Variants in PDE5A observed in about 807,000 individuals in gnomAD.
PDE5A encodes cGMP-specific 3',5'-cyclic phosphodiesterase.
PDE5A carries 67 observed loss-of-function variants against 110.2 expected under a neutral mutation model. The observed-to-expected ratio is 0.61, with a 90% confidence interval of 0.50 to 0.75. The LOEUF (loss-of-function observed/expected upper bound fraction) is 0.75. Among genes scored for constraint, PDE5A ranks in the 30% least tolerant of loss-of-function variants. The pLI is 0.00. For synonymous variants in PDE5A, 328 were observed against 351.2 expected, an observed-to-expected ratio of 0.93 and a Z score of 0.74; for missense variants, 862 against 1,045.1, an observed-to-expected ratio of 0.82 and a Z score of 2.42.
At chr4:119,561,495 G>A (rs1276663117) in intron 6 of PDE5A, among the ~76,000 whole-genome samples, 3 of 152,128 alleles carry the variant, frequency 2.0e-5, no homozygotes, top group South Asian at 4.1e-4. Context: ...GTGTTAACTG[G>A]TAGAAGTATC....
At chr4:119,547,427 T>C (rs1379312598) in intron 9 of PDE5A, among the ~76,000 whole-genome samples, 1 of 151,924 alleles carries the variant, frequency 6.6e-6, no homozygotes, top group Non-Finnish European at 1.5e-5. Context: ...TTTTTTCAAT[T>C]TTTTCTTCTA....
chr4:119,606,681 G>A (rs904596637), intron 2 of PDE5A, 28 bp downstream of exon 2: 1 of 1,550,642 alleles, frequency 6.4e-7, no homozygotes, highest in Non-Finnish European at 8.9e-7. Flanking sequence ...CCCCAGCACT[G>A]GTCCTGCTCT....
chr4:119,524,809 T>G (rs927617896), intron 12 of PDE5A, among the ~76,000 whole-genome samples: 5 of 152,116 alleles, frequency 3.3e-5, no homozygotes, highest in South Asian at 2.1e-4. Flanking sequence ...TTCTGCTGCT[T>G]CTTATTCTTT....
In PDE5A at chr4:119,525,767, T is replaced by A. The variant is rs61562668; in HGVS notation, c.1633-72A>T. The A allele has an allele frequency of 5.4e-6, 8 of 1,470,690 alleles. 1 individual carries two copies. The highest frequency in any genetic ancestry group is 7.4e-6 in the Non-Finnish European group (8 of 1,080,970). 91.1% of individuals were successfully genotyped at this position (1,470,690 alleles called of 1,614,324 possible). A position where few individuals can be genotyped will look rare whatever the true frequency, so the allele number is the denominator to read the frequency against. On this transcript the variant is annotated intron_variant, in intron 11 of 20. Transcript: ENST00000354960. This position sits in a 1 kb window ranked among gnomAD's most constrained non-coding sequence, Gnocchi z 4.3. ...GCAGTGATTTGCAAGGTTTTCTTGT[T>A]TTGCTGCAGAGAAATAGCATATTGT... is the stretch of plus-strand genomic sequence containing the variant.
intron 1 of PDE5A, among the ~76,000 whole-genome samples, chr4:119,620,900 G>C (rs1730120174): frequency 6.6e-6 from 1 of 152,214 alleles, no homozygotes; most frequent in South Asian, 2.1e-4. Context: ...ATTGTTCAGA[G>C]AGACCCAGTG....
chr4:119,522,694 T>A (rs1390048978), intron 12 of PDE5A, among the ~76,000 whole-genome samples: 1 of 152,086 alleles, frequency 6.6e-6, no homozygotes, highest in East Asian at 1.9e-4. Flanking sequence ...ACAAAGTAGT[T>A]AGTACCTATA....
intron 13 of PDE5A, among the ~76,000 whole-genome samples, chr4:119,520,632 A>G (rs1726093487): frequency 6.6e-6 from 1 of 152,070 alleles, no homozygotes; most frequent in Non-Finnish European, 1.5e-5. Flanking sequence ...ACTTTTTCTT[A>G]ATAAGGCAGT....
At position 119,627,368 on chromosome 4, in the gene PDE5A, C is replaced by T; in HGVS notation, c.152+1152G>A. ...CGCTGCGCCGCCCCCTGGCGGGGAG[C>T]GACCGGCAGAGCCGCGGCCGCGCGC... On this transcript the variant is annotated intron_variant, in intron 1 of 20. Coordinates refer to ENST00000354960, the MANE Select transcript of PDE5A (RefSeq NM_001083.4). This position sits in a 1 kb window ranked among gnomAD's most constrained non-coding sequence, Gnocchi z 4.6. 5 of 964,282 alleles carry T rather than the reference C, an allele frequency of 5.2e-6. No individual in the cohort carries two copies. In the South Asian group the frequency reaches 1.9e-4, roughly 37 times the overall value. 59.7% of individuals were successfully genotyped at this position (964,282 alleles called of 1,614,324 possible). A position where few individuals can be genotyped will look rare whatever the true frequency, so the allele number is the denominator to read the frequency against.
rs1027737715 is a variant in PDE5A, at chr4:119,607,218, A to T, written c.232T>A (p.Ser78Thr). The T allele has an allele frequency of 6.2e-7, 1 of 1,613,980 alleles. No homozygotes were observed. The highest frequency in any genetic ancestry group is 8.5e-7 in the Non-Finnish European group (1 of 1,180,026). The change falls in exon 2 of 21, where the codon TCT becomes ACT. Residue 78 changes from serine (S) to threonine (T), a missense_variant. Physicochemically the swap from Ser to Thr is moderately conservative, Grantham distance 58. Coordinates refer to ENST00000354960, the MANE Select transcript of PDE5A (RefSeq NM_001083.4). ...CKEGIRGHTE[S>T]CSCPLQQSPR... ...CTCTGCTGCAAGGGACAAGAGCAAG[A>T]TTCGGTGTGGCCTCTGATACCTTCC...
In PDE5A at chr4:119,504,523, CTAAG is replaced by C. The variant is rs1347875288; in HGVS notation, c.2331+9_2331+12del. 1 of 1,600,842 alleles carries C rather than the reference CTAAG, an allele frequency of 6.2e-7. No individual in the cohort carries two copies. Among genetic ancestry groups the C allele is most frequent in the Non-Finnish European group, 8.5e-7 (1 of 1,169,630 alleles). ...GACTTTTTAATTATTGTTATTGTCA[CTAAG>C]TAACATACCCGTTGTTGAATAGGCC... On this transcript the variant is annotated intron_variant, in intron 18 of 20. Coordinates refer to ENST00000354960, the MANE Select transcript of PDE5A (RefSeq NM_001083.4).
intron 1 of PDE5A, chr4:119,628,186 T>C (rs561907006): frequency 3.7e-6 from 1 of 271,300 alleles, no homozygotes; most frequent in Non-Finnish European, 5.8e-6. Flanking sequence ...GCTGATTGGA[T>C]TTTGGGGAAC....
intron 3 of PDE5A, among the ~76,000 whole-genome samples, chr4:119,579,485 T>G (rs1033751011): frequency 2.6e-5 from 4 of 151,988 alleles, no homozygotes; most frequent in Non-Finnish European, 5.9e-5. Context: ...GTGGCACATA[T>G]ACACCATGGA....
rs377361821 is a variant in PDE5A, at chr4:119,519,145, T to A, written c.1906-6A>T. The A allele has an allele frequency of 1.7e-5, 27 of 1,605,758 alleles. No individual in the cohort carries two copies. The highest frequency in any genetic ancestry group is 2.3e-5 in the Non-Finnish European group (27 of 1,172,494). ...TCCAGGTCAGTCAGCTTGTTCTGCA[T>A]GACCAAAGACATTGGAGGAAAGAGA... On this transcript the variant is annotated splice_polypyrimidine_tract_variant and splice_region_variant and intron_variant, in intron 13 of 20. Coordinates refer to ENST00000354960, the MANE Select transcript of PDE5A (RefSeq NM_001083.4).
At position 119,627,157 on chromosome 4, in the gene PDE5A, T is replaced by G. The variant is rs201005905; in HGVS notation, c.152+1363A>C. 1 of 1,613,342 alleles carries G rather than the reference T, an allele frequency of 6.2e-7. No homozygotes were observed. Among genetic ancestry groups the G allele is most frequent in the Admixed American group, 1.7e-5 (1 of 59,946 alleles). ...GGATGCTGAAGGAAGTACCTTGTTT[T>G]GTCTCCAAAGGGCAACATAGCAAAC... On this transcript the variant is annotated intron_variant, in intron 1 of 20. Transcript: ENST00000354960. This position sits in a 1 kb window ranked among gnomAD's most constrained non-coding sequence, Gnocchi z 4.6.
At chr4:119,580,569 G>C (rs1392346536) in intron 3 of PDE5A, among the ~76,000 whole-genome samples, 2 of 152,146 alleles carry the variant, frequency 1.3e-5, no homozygotes, top group Non-Finnish European at 2.9e-5. Context: ...CAAGAGGTGA[G>C]AGCTCTGCAG....
At position 119,628,437 on chromosome 4, in the gene PDE5A, G is replaced by A; in HGVS notation, c.152+83C>T. ...CGAGGACCTACTTCAAAAGCAAAGGGCCTGGGAACAGGGGTGAACGAAGGG... is the reference window on the plus strand; with the variant it reads ...CGAGGACCTACTTCAAAAGCAAAGGACCTGGGAACAGGGGTGAACGAAGGG... On this transcript the variant is annotated intron_variant, in intron 1 of 20. Transcript: ENST00000354960. 4 of 1,175,796 alleles carry A rather than the reference G, an allele frequency of 3.4e-6. No homozygotes were observed. The South Asian group carries it at 6.1e-5, about 18-fold the overall frequency. 72.8% of individuals were successfully genotyped at this position (1,175,796 alleles called of 1,614,324 possible). A position where few individuals can be genotyped will look rare whatever the true frequency, so the allele number is the denominator to read the frequency against.
chr4:119,588,285 T>C (rs1258290746), intron 3 of PDE5A, among the ~76,000 whole-genome samples: 1 of 150,632 alleles, frequency 6.6e-6, no homozygotes, highest in Non-Finnish European at 1.5e-5. Flanking sequence ...TTCAAGCGAC[T>C]CTCCTGTGTG....
intron 7 of PDE5A, among the ~76,000 whole-genome samples, chr4:119,559,437 C>A (rs1270704389): frequency 1.3e-5 from 2 of 152,008 alleles, no homozygotes; most frequent in Non-Finnish European, 2.9e-5. Context: ...TACTGATGTT[C>A]CTATTGTCCC....
chr4:119,603,671 A>G (rs1015510319), intron 2 of PDE5A, among the ~76,000 whole-genome samples: 2 of 152,210 alleles, frequency 1.3e-5, no homozygotes, highest in Admixed American at 6.5e-5. Flanking sequence ...AAGTTTTAAA[A>G]GTGAACTAAA....
Sources: allele counts gnomAD v4.1 joint callset (sites outside exome capture counted in the v4.1 genomes callset), GRCh38; gene constraint gnomAD v4.1.1; non-coding constraint Gnocchi (gnomAD v3.1); transcripts MANE v1.5; gene names NCBI Gene and HGNC (gene_info 2026-07-23, HGNC 2026-07-21).